The following GOLGA1 variants were observed in gnomAD, a reference collection of about 807,000 sequenced individuals.
GOLGA1 encodes golgin A1, also known as golgin subfamily A member 1.
A neutral mutation model predicts 119.7 loss-of-function variants in GOLGA1; 63 were observed. The ratio of observed to expected loss-of-function variants is 0.53; its 90% CI spans 0.43 to 0.65. The LOEUF (loss-of-function observed/expected upper bound fraction) is 0.65. Among genes scored for constraint, GOLGA1 ranks in the 30% least tolerant of loss-of-function variants. The pLI, the probability that GOLGA1 is intolerant of heterozygous loss-of-function variation, is 0.00. For synonymous variants in GOLGA1, 318 were observed against 333.4 expected (o/e 0.95, Z 0.50); for missense variants, 798 against 912.8 (o/e 0.87, Z 1.62).
intron 12 of GOLGA1, among the ~76,000 whole-genome samples, chr9:124,902,609 C>G (rs1223415624): frequency 6.6e-6 from 1 of 151,930 alleles, no homozygotes; most frequent in African/African-American, 2.4e-5. Flanking sequence ...CCTGCCTCAG[C>G]CTCCTGAGTA....
At chr9:124,891,759 C>T (rs1829858363) in intron 15 of GOLGA1, among the ~76,000 whole-genome samples, 1 of 151,682 alleles carries the variant, frequency 6.6e-6, no homozygotes, top group Admixed American at 6.6e-5. Context: ...ATTCTCCTGC[C>T]TCCCCCTCCC....
chr9:124,917,396 C>G (rs912601172), intron 10 of GOLGA1, among the ~76,000 whole-genome samples: 1 of 152,162 alleles, frequency 6.6e-6, no homozygotes, highest in East Asian at 1.9e-4. Flanking sequence ...AATCTTCACA[C>G]AATACCAGCC....
intron 15 of GOLGA1, among the ~76,000 whole-genome samples, chr9:124,891,259 C>G (rs775635659): frequency 3.3e-5 from 5 of 152,202 alleles, no homozygotes; most frequent in African/African-American, 1.2e-4. Context: ...CACTGTGGCA[C>G]AAAGCAGGGC....
At chr9:124,896,418 C>T (rs1253218557) in intron 15 of GOLGA1, among the ~76,000 whole-genome samples, 1 of 151,884 alleles carries the variant, frequency 6.6e-6, no homozygotes, top group Non-Finnish European at 1.5e-5. Flanking sequence ...GTCTCACATA[C>T]AAAAAACAAA....
chr9:124,931,315 C>T lies in GOLGA1; in HGVS notation c.226+1G>A. On this transcript the variant is annotated splice_donor_variant, in intron 4 of 22. Coordinates refer to ENST00000373555, the MANE Select transcript of GOLGA1 (RefSeq NM_002077.4). LOFTEE classifies it high-confidence loss of function. Reference sequence around the variant, plus strand: ...TGCTTTTTATGAGTTCTTAGACATACCAGAAAGTCTGGCCTCTAACTTCCG... The same window carrying T: ...TGCTTTTTATGAGTTCTTAGACATATCAGAAAGTCTGGCCTCTAACTTCCG... 1 of 1,454,420 alleles carries T rather than the reference C, an allele frequency of 6.9e-7. No individual in the cohort carries two copies. The highest frequency in any genetic ancestry group is 9.7e-7 in the Non-Finnish European group (1 of 1,034,564). The allele number at this position is 1,454,420 out of a possible 1,614,324, so 90.1% of individuals were successfully genotyped here.
chr9:124,881,678 C>T lies in GOLGA1; in HGVS notation c.2136+106G>A, dbSNP rs2131354531. On this transcript the variant is annotated intron_variant, in intron 21 of 22. Coordinates refer to ENST00000373555, the MANE Select transcript of GOLGA1 (RefSeq NM_002077.4). The surrounding 1 kb of genome is among the most constrained non-coding windows in gnomAD (Gnocchi z 4.9). ...ACTGGGTGACCACAAGGGCGTCAAA[C>T]CAGGATGTACGAGGAAAAGAGAGAA... The T allele has an allele frequency of 2.5e-6, 2 of 806,852 alleles. No individual in the cohort carries two copies. Among genetic ancestry groups the T allele is most frequent in the African/African-American group, 1.7e-5 (1 of 58,016 alleles). 50.0% of individuals were successfully genotyped at this position (806,852 alleles called of 1,614,324 possible). A position where few individuals can be genotyped will look rare whatever the true frequency, so the allele number is the denominator to read the frequency against.
intron 17 of GOLGA1, 32 bp downstream of exon 17, chr9:124,889,402 A>C: frequency 1.3e-6 from 2 of 1,590,432 alleles, no homozygotes; most frequent in Non-Finnish European, 1.7e-6. Context: ...CCTGAAAAGG[A>C]GAGAAGGCTC....
chr9:124,888,186 G>T lies in GOLGA1; in HGVS notation c.1905+67C>A. 1 of 1,463,638 alleles carries T rather than the reference G, an allele frequency of 6.8e-7. No homozygotes were observed. The highest frequency in any genetic ancestry group is 9.6e-7 in the Non-Finnish European group (1 of 1,046,282). The allele number at this position is 1,463,638 out of a possible 1,614,324, so 90.7% of individuals were successfully genotyped here. On this transcript the variant is annotated intron_variant, in intron 19 of 22. Coordinates refer to ENST00000373555, the MANE Select transcript of GOLGA1 (RefSeq NM_002077.4). This position sits in a 1 kb window ranked among gnomAD's most constrained non-coding sequence, Gnocchi z 4.4. ...CACAAAAACCTCCAAGGATGGACTG[G>T]GTCATTTTAGGCCTGAGGGTGAGGA...
chr9:124,935,434 T>C (rs570316884), intron 3 of GOLGA1, among the ~76,000 whole-genome samples: 50 of 152,328 alleles, frequency 3.3e-4, no homozygotes, highest in African/African-American at 1.2e-3. Context: ...GTATTTCAGA[T>C]TTCAAATTTT....
upstream of GOLGA1, among the ~76,000 whole-genome samples, chr9:124,941,996 C>A (rs991630511): frequency 6.6e-6 from 1 of 152,144 alleles, no homozygotes; most frequent in Non-Finnish European, 1.5e-5. Context: ...ACAGTCCAGG[C>A]CGGGCGCGGT....
At chr9:124,912,525 G>A (rs2131455858) in intron 10 of GOLGA1, among the ~76,000 whole-genome samples, 1 of 152,250 alleles carries the variant, frequency 6.6e-6, no homozygotes, top group South Asian at 2.1e-4. Flanking sequence ...ACCAACAGCT[G>A]CCCGTTTTAT....
At position 124,878,335 on chromosome 9, in the gene GOLGA1, C is replaced by T. The variant is rs117916599; in HGVS notation, c.*2195G>A. ...CCAGATTTAATGAGTCAAAGAAATA[C>T]TGACACACCAAACTAGTAAAATCCA... is the stretch of plus-strand genomic sequence containing the variant. On this transcript the variant is annotated 3_prime_UTR_variant, in exon 23 of 23. Transcript: ENST00000373555. The T allele has an allele frequency of 6.6e-6, 1 of 152,398 alleles. No homozygotes were observed. The highest frequency in any genetic ancestry group is 1.9e-4 in the East Asian group (1 of 5,180). 9.4% of individuals were successfully genotyped at this position (152,398 alleles called of 1,614,324 possible).
At chr9:124,931,042 C>G (rs1032873699) in intron 4 of GOLGA1, among the ~76,000 whole-genome samples, 9 of 152,142 alleles carry the variant, frequency 5.9e-5, no homozygotes, top group African/African-American at 2.2e-4. Context: ...GGAAGATGGT[C>G]AAATCTATTG....
chr9:124,896,672 T>C (rs1432805290), intron 15 of GOLGA1, among the ~76,000 whole-genome samples: 1 of 152,210 alleles, frequency 6.6e-6, no homozygotes, highest in Non-Finnish European at 1.5e-5. Flanking sequence ...TTAGGAGCAG[T>C]GGCTCATTCC....
Position 124,921,945 on chromosome 9 carries a change from A to T in GOLGA1, c.562-53T>A, listed in dbSNP as rs187185540. The T allele has an allele frequency of 2.5e-4, 371 of 1,467,338 alleles. 2 individuals carry two copies. In the African/African-American group the frequency reaches 4.5e-3, roughly 18 times the overall value. 90.9% of individuals were successfully genotyped at this position (1,467,338 alleles called of 1,614,324 possible). Reference sequence around the variant, plus strand: ...GGCTATGCTAAGAAAAATACACTTAAGATCAGGCATGCTGGCTCACGCCTG... The same window carrying T: ...GGCTATGCTAAGAAAAATACACTTATGATCAGGCATGCTGGCTCACGCCTG... On this transcript the variant is annotated intron_variant, in intron 8 of 22. Coordinates refer to ENST00000373555, the MANE Select transcript of GOLGA1 (RefSeq NM_002077.4).
rs60890510 is a variant in GOLGA1, at chr9:124,906,116, A to AAAATAAATAAATAAATAAAT, written c.1065+2241_1065+2260dup. ...GGATAGAGTGAGACTGTGTCTCCAA[A>AAAATAAATAAATAAATAAAT]AAATAAATAAATAAATAAATAAATA... On this transcript the variant is annotated intron_variant, in intron 12 of 22. Coordinates refer to ENST00000373555, the MANE Select transcript of GOLGA1 (RefSeq NM_002077.4). Among the ~76,000 whole-genome samples the AAAATAAATAAATAAATAAAT allele has an allele frequency of 2.6e-3, 380 of 145,148 alleles. 2 individuals are homozygous for AAAATAAATAAATAAATAAAT. Among genetic ancestry groups the AAAATAAATAAATAAATAAAT allele is most frequent in the East Asian group, 5.8e-3 (28 of 4,822 alleles).
At chr9:124,920,998 G>C in intron 10 of GOLGA1, 131 bp downstream of exon 10, 1 of 653,448 alleles carries the variant, frequency 1.5e-6, no homozygotes, top group Admixed American at 2.5e-5. Context: ...AGCCTGGCTA[G>C]TACAGGAAAT....
chr9:124,930,449 C>T (rs752556774), intron 4 of GOLGA1, among the ~76,000 whole-genome samples: 2 of 152,186 alleles, frequency 1.3e-5, no homozygotes, highest in Non-Finnish European at 2.9e-5. Context: ...CCTAATAAGG[C>T]TCTAGTGAGG....
rs548263436 is a variant in GOLGA1 at position 124,878,709 on chromosome 9, G to C, written c.*1821C>G. 1.2e-4 allele frequency: 18 copies of C among 152,442 alleles called. No individual in the cohort carries two copies. The highest frequency in any genetic ancestry group is 3.8e-4 in the African/African-American group (16 of 41,582). 9.4% of individuals were successfully genotyped at this position (152,442 alleles called of 1,614,324 possible). ...GAAACTGCCGAGGAGTGGGGCCTGG[G>C]GTGCGTGTGGGACCAGTTCAATGGC... On this transcript the variant is annotated 3_prime_UTR_variant, in exon 23 of 23. Coordinates refer to ENST00000373555, the MANE Select transcript of GOLGA1 (RefSeq NM_002077.4).
Sources: allele counts gnomAD v4.1 joint callset (sites outside exome capture counted in the v4.1 genomes callset), GRCh38; gene constraint gnomAD v4.1.1; non-coding constraint Gnocchi (gnomAD v3.1); transcripts MANE v1.5; gene names NCBI Gene and HGNC (gene_info 2026-07-23, HGNC 2026-07-21).